Variants in DGKB observed in about 807,000 individuals in gnomAD.
DGKB encodes 90 kDa diacylglycerol kinase.
Under a neutral mutation model 114.3 loss-of-function variants are expected in DGKB, and 67 were observed. The ratio of observed to expected loss-of-function variants is 0.59; its 90% CI spans 0.48 to 0.72. DGKB has a LOEUF of 0.72. Among genes scored for constraint, DGKB ranks in the 30% least tolerant of loss-of-function variants. DGKB has a pLI of 0.00. For missense variants in DGKB, 907 were observed against 975.2 expected (o/e 0.93, Z 0.93); for synonymous variants, 398 against 323.1 (o/e 1.23, Z -2.49).
At chr7:14,928,296 T>C (rs1421758002) in intron 1 of DGKB, among the ~76,000 whole-genome samples, 1 of 151,902 alleles carries the variant, frequency 6.6e-6, no homozygotes, top group Non-Finnish European at 1.5e-5. Flanking sequence ...TCAAAAAACT[T>C]TAACCATCTA....
chr7:14,821,464 A>G (rs2067715274), intron 2 of DGKB, among the ~76,000 whole-genome samples: 1 of 152,200 alleles, frequency 6.6e-6, no homozygotes, highest in Non-Finnish European at 1.5e-5. Context: ...CAAGTGGCCA[A>G]GAGAGGTCTC....
At chr7:14,428,653 T>C (rs956182305) in intron 21 of DGKB, among the ~76,000 whole-genome samples, 73 of 152,148 alleles carry the variant, frequency 4.8e-4, no homozygotes, top group African/African-American at 1.7e-3. Flanking sequence ...ATTGGGACTG[T>C]TAAGTGCAGA....
chr7:14,892,864 ATGTGTGTG>A (rs10646592), intron 1 of DGKB, among the ~76,000 whole-genome samples: 2 of 147,046 alleles, frequency 1.4e-5, no homozygotes, highest in Admixed American at 6.8e-5. Flanking sequence ...ATATATATAT[ATGTGTGTG>A]TGTGTGTGTG....
At chr7:14,635,670 C>T (rs1217838842) in intron 13 of DGKB, among the ~76,000 whole-genome samples, 3 of 151,298 alleles carry the variant, frequency 2.0e-5, no homozygotes, top group Admixed American at 1.3e-4. Flanking sequence ...TTAATAGATA[C>T]CTATTTATGA....
intron 2 of DGKB, among the ~76,000 whole-genome samples, chr7:14,809,327 A>C (rs1231805027): frequency 2.0e-5 from 3 of 152,072 alleles, no homozygotes. Context: ...AATCTCTAGC[A>C]TTTCAGGTCA....
intron 20 of DGKB, among the ~76,000 whole-genome samples, chr7:14,554,464 C>A (rs1795581782): frequency 6.6e-6 from 1 of 152,100 alleles, no homozygotes; most frequent in Non-Finnish European, 1.5e-5. Flanking sequence ...ACTATTATGT[C>A]TTTAAATATG....
chr7:14,313,522 T>TGGAAAATCG lies in DGKB; in HGVS notation c.2122+24984_2122+24992dup, dbSNP rs780445136. ...AAAGAAAGGGGTGACGGACGGCACC[T>TGGAAAATCG]GGAAAATCGGGAAAATCGGGTCACT... On this transcript the variant is annotated intron_variant, in intron 23 of 25. Coordinates refer to ENST00000402815, the MANE Select transcript of DGKB (RefSeq NM_001350709.2). Among the ~76,000 whole-genome samples, 113 of 152,258 alleles carry TGGAAAATCG rather than the reference T, an allele frequency of 7.4e-4. 1 individual carries two copies. The highest frequency in any genetic ancestry group is 2.6e-3 in the African/African-American group (106 of 41,562).
intron 23 of DGKB, among the ~76,000 whole-genome samples, chr7:14,199,354 CAAAA>C (rs1468215517): frequency 2.0e-5 from 3 of 151,780 alleles, no homozygotes; most frequent in African/African-American, 7.3e-5. Context: ...AATAGAAAAA[CAAAA>C]GAACAGCAAA....
At chr7:14,388,758 C>G (rs1331107344) in intron 21 of DGKB, among the ~76,000 whole-genome samples, 1 of 152,110 alleles carries the variant, frequency 6.6e-6, no homozygotes, top group Non-Finnish European at 1.5e-5. Context: ...AGACTGACAA[C>G]TCTCCCAAGC....
chr7:14,509,197 G>A (rs556936722), intron 20 of DGKB, among the ~76,000 whole-genome samples: 11 of 152,228 alleles, frequency 7.2e-5, no homozygotes, highest in Non-Finnish European at 1.5e-4. Flanking sequence ...ATACCTCAGA[G>A]ATATTGAGGG....
intron 21 of DGKB, among the ~76,000 whole-genome samples, chr7:14,471,569 A>G (rs1480425268): frequency 6.6e-6 from 1 of 151,252 alleles, no homozygotes; most frequent in Non-Finnish European, 1.5e-5. Flanking sequence ...TTTGTAGGAC[A>G]CAGTGCTCAG....
At chr7:14,658,086 T>C (rs964290496) in intron 13 of DGKB, among the ~76,000 whole-genome samples, 7 of 151,960 alleles carry the variant, frequency 4.6e-5, no homozygotes, top group Non-Finnish European at 7.4e-5. Context: ...ATTCTTAAAA[T>C]TGTGGAAGAG....
chr7:14,511,762 T>C (rs547444870), intron 20 of DGKB, among the ~76,000 whole-genome samples: 10 of 152,298 alleles, frequency 6.6e-5, no homozygotes, highest in African/African-American at 2.4e-4. Flanking sequence ...ATGCAACTCT[T>C]CCTTTCACTT....
intron 5 of DGKB, among the ~76,000 whole-genome samples, chr7:14,725,348 T>A (rs1301683213): frequency 1.3e-5 from 2 of 152,188 alleles, no homozygotes; most frequent in Non-Finnish European, 2.9e-5. Context: ...TGCAGATGGA[T>A]AATTGAAAGT....
intron 21 of DGKB, among the ~76,000 whole-genome samples, chr7:14,418,721 T>C (rs1826185523): frequency 6.6e-6 from 1 of 151,764 alleles, no homozygotes; most frequent in Non-Finnish European, 1.5e-5. Context: ...TGTTGCTTCA[T>C]AGCTAGGTTA....
intron 23 of DGKB, among the ~76,000 whole-genome samples, chr7:14,315,372 T>G (rs928306030): frequency 1.3e-5 from 2 of 149,662 alleles, no homozygotes; most frequent in South Asian, 4.3e-4. Context: ...ATCAGTGTGC[T>G]GTATTCAGGA....
At chr7:14,154,299 C>G (rs1782654032) in intron 25 of DGKB, among the ~76,000 whole-genome samples, 1 of 149,626 alleles carries the variant, frequency 6.7e-6, no homozygotes, top group Non-Finnish European at 1.5e-5. Context: ...GTACTTGGTT[C>G]TGCAGTTGAC....
chr7:14,445,088 A>C (rs1645716054), intron 21 of DGKB, among the ~76,000 whole-genome samples: 1 of 151,822 alleles, frequency 6.6e-6, no homozygotes, highest in Admixed American at 6.6e-5. Context: ...TCGGTCACTT[A>C]TATATTCTCA....
chr7:14,645,484 C>A (rs1812770640), intron 13 of DGKB, among the ~76,000 whole-genome samples: 1 of 151,982 alleles, frequency 6.6e-6, no homozygotes, highest in Non-Finnish European at 1.5e-5. Context: ...CAGCAAAGAG[C>A]CACTGGGTGC....
Sources: allele counts gnomAD v4.1 joint callset (sites outside exome capture counted in the v4.1 genomes callset), GRCh38; gene constraint gnomAD v4.1.1; transcripts MANE v1.5; gene names NCBI Gene and HGNC (gene_info 2026-07-23, HGNC 2026-07-21).